Variants in AHNAK2 observed in about 807,000 individuals in gnomAD.
The protein encoded by AHNAK2 is AHNAK nucleoprotein 2.
A neutral mutation model predicts 30.7 loss-of-function variants in AHNAK2; 18 were observed. The observed-to-expected ratio is 0.59, with a 90% CI of 0.41 to 0.87. The LOEUF (loss-of-function observed/expected upper bound fraction) is 0.87, where lower values mean the gene tolerates loss of function less well. Among genes scored for constraint, AHNAK2 ranks in the 40% least tolerant of loss-of-function variants. The pLI is 0.00. For missense variants in AHNAK2, 8,604 were observed against 7,373.0 expected (o/e 1.17, Z -6.11); for synonymous variants, 3,590 against 3,073.8 (o/e 1.17, Z -5.56).
In AHNAK2 at chr14:104,948,604, T is replaced by G; in HGVS notation, c.6847A>C (p.Ser2283Arg). ...GGGGCCTTGACGTCCACCTCCACGC[T>G]GGGCAGAGACACCTCCACATCAGGG... is the stretch of plus-strand genomic sequence containing the variant. ...TAPDVEVSLP[S>R]VEVDVKAPGA... The change falls in exon 7 of 7, where the codon AGC (serine) becomes CGC (arginine). Residue 2283 changes from serine (S) to arginine (R), a missense_variant. Physicochemically the swap from Ser to Arg is moderately radical, Grantham distance 110. Transcript: ENST00000333244. The G allele has an allele frequency of 1.2e-6, 2 of 1,612,680 alleles. No individual in the cohort carries two copies. Among genetic ancestry groups the G allele is most frequent in the Non-Finnish European group, 1.7e-6 (2 of 1,179,794 alleles).
In AHNAK2 at chr14:104,947,571, C is replaced by A. The variant is rs746257637; in HGVS notation, c.7880G>T (p.Gly2627Val). The A allele has an allele frequency of 5.0e-6, 8 of 1,613,082 alleles. No individual in the cohort carries two copies. The South Asian group carries it at 7.7e-5, about 16-fold the overall frequency. Residue 2627 changes from glycine (G) to valine (V), a missense_variant, in exon 7 of 7, where the codon GGT becomes GTT. Coordinates refer to ENST00000333244, the MANE Select transcript of AHNAK2 (RefSeq NM_138420.4). ...GGACAGGTCCCCCTCCAGCCGCGCACCATCCAGCTTTGCTCTCGGGGCCTG... is the reference window on the plus strand; with the variant it reads ...GGACAGGTCCCCCTCCAGCCGCGCAACATCCAGCTTTGCTCTCGGGGCCTG... ...DVQAPRAKLD[G>V]ARLEGDLSLA...
chr14:104,951,993 T>A lies in AHNAK2; in HGVS notation c.3458A>T (p.Asp1153Val). ...GCTGTCTTTGGCAGTCACATCCTTG[T>A]CGGCCAGGGACAGTTCCCCCTCCAG... ...ARLEGELSLA[D>V]KDVTAKDSRF... The change falls in exon 7 of 7, where the codon GAC becomes GTC. Residue 1153 changes from aspartate to valine, a missense_variant. Asp to Val is a radical substitution (Grantham distance 152, BLOSUM62 -3). Transcript: ENST00000333244. 6.2e-7 allele frequency: 1 copy of A among 1,612,356 alleles called. No homozygotes were observed. Among genetic ancestry groups the A allele is most frequent in the Non-Finnish European group, 8.5e-7 (1 of 1,179,506 alleles).
rs199890079 is a variant in AHNAK2, at chr14:104,950,749, C to A, written c.4702G>T (p.Glu1568Ter). 1 of 1,587,914 alleles carries A rather than the reference C, an allele frequency of 6.3e-7. No homozygotes were observed. The highest frequency in any genetic ancestry group is 8.6e-7 in the Non-Finnish European group (1 of 1,162,902). Residue 1568 changes from glutamate to a stop codon, truncating the protein, a stop_gained, in exon 7 of 7, where the codon GAG becomes TAG. Transcript: ENST00000333244. LOFTEE classifies it low-confidence loss of function (END_TRUNC). Reference protein sequence around the residue: ...DVKLPEGPVSEGAGLKGHLPK... With the variant: ...DVKLPEGPVS ...AGGTGCCCTTTGAGGCCGGCTCCCTCGGACACAGGGCCCTCTGGGAGTTTC... is the reference window on the plus strand; with the variant it reads ...AGGTGCCCTTTGAGGCCGGCTCCCTAGGACACAGGGCCCTCTGGGAGTTTC...
Position 104,944,780 on chromosome 14 carries a change from G to C in AHNAK2, c.10671C>G (p.Pro3557=), listed in dbSNP as rs1223419219. The C allele has an allele frequency of 5.0e-6, 8 of 1,612,818 alleles. No homozygotes were observed. The South Asian group carries it at 8.8e-5, about 18-fold the overall frequency. The change falls in exon 7 of 7, where the codon CCC becomes CCG. Residue 3557 remains proline, a synonymous_variant. Coordinates refer to ENST00000333244, the MANE Select transcript of AHNAK2 (RefSeq NM_138420.4). Reference sequence around the variant, plus strand: ...TCTTTAAACTGGGCATCTCCACTTTGGGCAGGTGCCCTTTGAGGCCGGCTC... The same window carrying C: ...TCTTTAAACTGGGCATCTCCACTTTCGGCAGGTGCCCTTTGAGGCCGGCTC... The part of the protein sequence containing the change: ...PEGAGLKGHL[P]KVEMPSLKTP...
At position 104,950,750 on chromosome 14, in the gene AHNAK2, G is replaced by C. The variant is rs771514954; in HGVS notation, c.4701C>G (p.Ser1567=). 107 of 1,587,368 alleles carry C rather than the reference G, an allele frequency of 6.7e-5. 8 individuals carry two copies. The African/African-American group carries it at 9.1e-4, about 13-fold the overall frequency. Residue 1567 remains serine, a synonymous_variant, in exon 7 of 7, where the codon TCC becomes TCG. Coordinates refer to ENST00000333244, the MANE Select transcript of AHNAK2 (RefSeq NM_138420.4). ...GGTGCCCTTTGAGGCCGGCTCCCTC[G>C]GACACAGGGCCCTCTGGGAGTTTCA... The part of the protein sequence containing the change: ...VDVKLPEGPV[S]EGAGLKGHLP...
Position 104,947,787 on chromosome 14 carries a change from G to T in AHNAK2, c.7664C>A (p.Pro2555His), listed in dbSNP as rs755648055. The T allele has an allele frequency of 2.1e-5, 34 of 1,611,566 alleles. No individual in the cohort carries two copies. The East Asian group carries it at 2.7e-4, about 13-fold the overall frequency. ...GQVDVKLPEG[P>H]VPEGAGLKGH... ...TTTGAGGCCGGCTCCCTCCGGCACA[G>T]GGCCCTCTGGGAGTTTCACGTCCAC... is the stretch of plus-strand genomic sequence containing the variant. Residue 2555 changes from proline (P) to histidine (H), a missense_variant, in exon 7 of 7, where the codon CCT (proline) becomes CAT (histidine). Transcript: ENST00000333244.
chr14:104,960,056 A>G (rs1226968192), intron 1 of AHNAK2, among the ~76,000 whole-genome samples: 1 of 152,248 alleles, frequency 6.6e-6, no homozygotes, highest in Non-Finnish European at 1.5e-5. Context: ...AATGAGCAAA[A>G]CTGTTTCAAC....
At chr14:104,978,096 G>A (rs2140887642) in intron 1 of AHNAK2, 87 bp downstream of exon 1, 4 of 1,103,620 alleles carry the variant, frequency 3.6e-6, no homozygotes, top group Non-Finnish European at 4.5e-6. Context: ...GGCCCGCACT[G>A]CGCGCCCCTG....
At position 104,954,664 on chromosome 14, in the gene AHNAK2, T is replaced by C; in HGVS notation, c.787A>G (p.Lys263Glu). ...QSQRERLSWPKFQSIKSKRGP... is the reference protein window; with the variant it reads ...QSQRERLSWPEFQSIKSKRGP... ...CGCTTGCTCTTTATGGATTGAAATT[T>C]TGGCCAAGAGAGCCTCTCCCTCTGG... Residue 263 changes from lysine (K) to glutamate (E), a missense_variant, in exon 7 of 7, where the codon AAA becomes GAA. Coordinates refer to ENST00000333244, the MANE Select transcript of AHNAK2 (RefSeq NM_138420.4). This position sits in a 1 kb window ranked among gnomAD's most constrained non-coding sequence, Gnocchi z 4.3. 2 of 1,612,962 alleles carry C rather than the reference T, an allele frequency of 1.2e-6. No individual in the cohort carries two copies. Among genetic ancestry groups the C allele is most frequent in the Non-Finnish European group, 1.7e-6 (2 of 1,179,718 alleles).
At position 104,953,370 on chromosome 14, in the gene AHNAK2, A is replaced by C. The variant is rs751109339; in HGVS notation, c.2081T>G (p.Met694Arg). Residue 694 changes from methionine to arginine, a missense_variant, in exon 7 of 7, where the codon ATG becomes AGG. Met to Arg is a moderately conservative substitution (Grantham distance 91). Transcript: ENST00000333244. ...LFGASAPGKSMEASVDVSAPK... is the reference protein window; with the variant it reads ...LFGASAPGKSREASVDVSAPK... ...CGCAGACACATCCACCGAGGCCTCC[A>C]TGGACTTGCCTGGGGCTGACGCCCC... 6.2e-7 allele frequency: 1 copy of C among 1,613,778 alleles called. No homozygotes were observed. The highest frequency in any genetic ancestry group is 8.5e-7 in the Non-Finnish European group (1 of 1,179,840).
intron 1 of AHNAK2, among the ~76,000 whole-genome samples, chr14:104,961,845 C>T (rs969078151): frequency 6.6e-5 from 10 of 151,978 alleles, no homozygotes; most frequent in Non-Finnish European, 1.5e-4. Flanking sequence ...TGGTGGCGCA[C>T]ATCTGTATTC....
At position 104,955,205 on chromosome 14, in the gene AHNAK2, C is replaced by A. The variant is rs994227314; in HGVS notation, c.467-64G>T. The A allele has an allele frequency of 4.6e-6, 7 of 1,530,770 alleles. No homozygotes were observed. The East Asian group carries it at 6.8e-5, about 15-fold the overall frequency. The allele number at this position is 1,530,770 out of a possible 1,614,324, so 94.8% of individuals were successfully genotyped here. A position where few individuals can be genotyped will look rare whatever the true frequency, so the allele number is the denominator to read the frequency against. ...AATGAGACGGGGTCTGCTGTCTTGC[C>A]TTGGCTGGCGAGGAGGGTCCCGGGG... On this transcript the variant is annotated intron_variant, in intron 5 of 6. Transcript: ENST00000333244.
At chr14:104,959,308 G>T (rs1227471201) in intron 1 of AHNAK2, among the ~76,000 whole-genome samples, 2 of 152,174 alleles carry the variant, frequency 1.3e-5, no homozygotes, top group Admixed American at 1.3e-4. Flanking sequence ...GAGTAGCTGG[G>T]ACTACAGACA....
chr14:104,948,934 C>G lies in AHNAK2; in HGVS notation c.6517G>C (p.Glu2173Gln), dbSNP rs565509068. 1.3e-4 allele frequency: 189 copies of G among 1,447,562 alleles called. 6 individuals are homozygous for G. In the South Asian group the frequency reaches 1.9e-3, roughly 15 times the overall value. 89.7% of individuals were successfully genotyped at this position (1,447,562 alleles called of 1,614,324 possible). A position where few individuals can be genotyped will look rare whatever the true frequency, so the allele number is the denominator to read the frequency against. ...GGTGGAGACACATCCACCGAGGCCT[C>G]GATGGACTTGCCTGGGGCAGACACC... ...FGVSAPGKSI[E>Q]ASVDVSPPKV... The change falls in exon 7 of 7, where the codon GAG becomes CAG. Residue 2173 changes from glutamate to glutamine, a missense_variant. Physicochemically the swap from Glu to Gln is conservative, Grantham distance 29 (BLOSUM62 2). Coordinates refer to ENST00000333244, the MANE Select transcript of AHNAK2 (RefSeq NM_138420.4).
chr14:104,942,121 G>T lies in AHNAK2; in HGVS notation c.13330C>A (p.Arg4444=). 1 of 1,613,266 alleles carries T rather than the reference G, an allele frequency of 6.2e-7. No individual in the cohort carries two copies. The highest frequency in any genetic ancestry group is 8.5e-7 in the Non-Finnish European group (1 of 1,179,716). The change falls in exon 7 of 7, where the codon CGG becomes AGG. Residue 4444 remains arginine (R), a synonymous_variant. Coordinates refer to ENST00000333244, the MANE Select transcript of AHNAK2 (RefSeq NM_138420.4). ...GCCAGGGACAGGTCCCCCTCCAGCC[G>T]CGTACTGTCCAGCTTGGCTCCTGGG... ...QAPGAKLDST[R]LEGDLSLADK...
At position 104,946,921 on chromosome 14, in the gene AHNAK2, C is replaced by T. The variant is rs755042334; in HGVS notation, c.8530G>A (p.Glu2844Lys). ...ASVDVSELKV[E>K]ADGSFPSMQG... ...ATGGAGGGGAAGCTCCCGTCAGCTT[C>T]CACCTTCAGCTCAGACACATCCACC... The change falls in exon 7 of 7, where the codon GAA (glutamate) becomes AAA (lysine). Residue 2844 changes from glutamate (E) to lysine (K), a missense_variant. Coordinates refer to ENST00000333244, the MANE Select transcript of AHNAK2 (RefSeq NM_138420.4). 8 of 1,612,736 alleles carry T rather than the reference C, an allele frequency of 5.0e-6. No individual in the cohort carries two copies. The highest frequency in any genetic ancestry group is 1.3e-5 in the African/African-American group (1 of 74,450).
chr14:104,953,265 G>A lies in AHNAK2; in HGVS notation c.2186C>T (p.Ser729Phe). 6.2e-7 allele frequency: 1 copy of A among 1,612,976 alleles called. No homozygotes were observed. The highest frequency in any genetic ancestry group is 8.5e-7 in the Non-Finnish European group (1 of 1,179,670). ...KTTDLSVQTP[S>F]ADLEVQDGQV... Reference sequence around the variant, plus strand: ...GCCATCCTGGACCTCCAGGTCAGCGGAAGGGGTCTGGACGCTGAGGTCAGT... The same window carrying A: ...GCCATCCTGGACCTCCAGGTCAGCGAAAGGGGTCTGGACGCTGAGGTCAGT... Residue 729 changes from serine (S) to phenylalanine (F), a missense_variant, in exon 7 of 7, where the codon TCC (serine) becomes TTC (phenylalanine). By Grantham distance (155) the Ser-to-Phe change is radical. Transcript: ENST00000333244.
rs764100271 is a variant in AHNAK2, at chr14:104,952,212, T to G, written c.3239A>C (p.His1080Pro). The G allele has an allele frequency of 3.7e-6, 6 of 1,612,352 alleles. No individual in the cohort carries two copies. Among genetic ancestry groups the G allele is most frequent in the Middle Eastern group, 1.7e-4 (1 of 6,038 alleles). ...ACTGGGCATCTCCACCTTGGGCAAG[T>G]GCCCTTTAAGGCCAGCTCCCTCGGG... ...HLPEGAGLKG[H>P]LPKVEMPSFK... is the part of the protein sequence containing the mutation. The change falls in exon 7 of 7, where the codon CAC becomes CCC. Residue 1080 changes from histidine (H) to proline (P), a missense_variant. By Grantham distance (77) the His-to-Pro change is moderately conservative. Coordinates refer to ENST00000333244, the MANE Select transcript of AHNAK2 (RefSeq NM_138420.4).
chr14:104,954,341 C>A lies in AHNAK2; in HGVS notation c.1110G>T (p.Gly370=), dbSNP rs373187299. 1.9e-6 allele frequency: 3 copies of A among 1,613,544 alleles called. No individual in the cohort carries two copies. Among genetic ancestry groups the A allele is most frequent in the Non-Finnish European group, 2.5e-6 (3 of 1,179,882 alleles). ...GPWGDSLEET[G]AATGSRREER... is the part of the protein sequence containing the mutation. Reference sequence around the variant, plus strand: ...CCTCTCTCCTGCTGCCTGTGGCAGCCCCAGTCTCCTCGAGGCTATCACCCC... The same window carrying A: ...CCTCTCTCCTGCTGCCTGTGGCAGCACCAGTCTCCTCGAGGCTATCACCCC... Residue 370 remains glycine (G), a synonymous_variant, in exon 7 of 7, where the codon GGG becomes GGT. Coordinates refer to ENST00000333244, the MANE Select transcript of AHNAK2 (RefSeq NM_138420.4). This position sits in a 1 kb window ranked among gnomAD's most constrained non-coding sequence, Gnocchi z 4.3.
Sources: gnomAD v4.1 joint callset for allele counts (sites outside exome capture counted in the v4.1 genomes callset) on GRCh38, gnomAD v4.1.1 for gene constraint, Gnocchi (gnomAD v3.1) non-coding constraint, MANE v1.5 for transcripts, NCBI Gene and HGNC (gene_info 2026-07-23, HGNC 2026-07-21) for gene names.